The following RBFOX1 variants were observed in gnomAD, a reference collection of about 807,000 sequenced individuals.
RBFOX1 encodes RNA binding fox-1 homolog 1, also known as RNA binding protein fox-1 homolog 1.
RBFOX1 carries 8 observed loss-of-function variants against 57.7 expected under a neutral mutation model. The observed-to-expected ratio is 0.14, with a 90% CI of 0.08 to 0.25. The LOEUF (loss-of-function observed/expected upper bound fraction) is 0.25. Among genes scored for constraint, RBFOX1 ranks in the 10% least tolerant of loss-of-function variants. The pLI is 1.00. For synonymous variants in RBFOX1, 326 were observed against 222.4 expected (o/e 1.47, Z -4.15); for missense variants, 611 against 548.5 (o/e 1.11, Z -1.14).
intron 1 of RBFOX1, among the ~76,000 whole-genome samples, chr16:6,182,733 C>G (rs936709252): frequency 1.3e-5 from 2 of 152,290 alleles, no homozygotes; most frequent in South Asian, 2.1e-4. Flanking sequence ...TTTAGGAACG[C>G]TGTAGTTAAA....
chr16:7,420,485 C>T (rs1009700301), intron 4 of RBFOX1, among the ~76,000 whole-genome samples: 14 of 152,140 alleles, frequency 9.2e-5, no homozygotes, highest in African/African-American at 1.4e-4. Context: ...TTGTCTAAAT[C>T]GATACATCTC....
At chr16:6,947,143 C>G (rs927223734) in intron 3 of RBFOX1, among the ~76,000 whole-genome samples, 1 of 152,118 alleles carries the variant, frequency 6.6e-6, no homozygotes, top group Non-Finnish European at 1.5e-5. Flanking sequence ...TAACCTGGCC[C>G]ATGTTCAAGG....
intron 3 of RBFOX1, among the ~76,000 whole-genome samples, chr16:7,017,819 CTGTT>C (rs945698601): frequency 3.3e-5 from 5 of 152,112 alleles, no homozygotes; most frequent in Admixed American, 1.3e-4. Flanking sequence ...GCGTTTTCTT[CTGTT>C]TGTTTATTTA....
At chr16:7,129,139 C>A (rs1437383976) in intron 4 of RBFOX1, among the ~76,000 whole-genome samples, 1 of 152,002 alleles carries the variant, frequency 6.6e-6, no homozygotes, top group African/African-American at 2.4e-5. Context: ...TTAAACTTGC[C>A]CAAAGTTAGA....
intron 3 of RBFOX1, among the ~76,000 whole-genome samples, chr16:6,841,342 A>C (rs2093450781): frequency 6.6e-6 from 1 of 152,186 alleles, no homozygotes; most frequent in South Asian, 2.1e-4. Context: ...ACATGCATTG[A>C]AGAATGTTAG....
At position 6,396,964 on chromosome 16, in the gene RBFOX1, C is replaced by A. The variant is rs182416273; in HGVS notation, c.-64+79907C>A. 1.1e-3 allele frequency among the ~76,000 whole-genome samples: 162 copies of A among 152,070 alleles called. 1 individual carries two copies. The highest frequency in any genetic ancestry group is 1.9e-4 in the Non-Finnish European group (13 of 67,982). On this transcript the variant is annotated intron_variant, in intron 2 of 15. Coordinates refer to ENST00000550418, the MANE Select transcript of RBFOX1 (RefSeq NM_018723.4). Reference sequence around the variant, plus strand: ...GGGCTAAACAGGAGAATGGGGACAGCACAACAGATCAGTGAATTTAATATA... The same window carrying A: ...GGGCTAAACAGGAGAATGGGGACAGAACAACAGATCAGTGAATTTAATATA...
At chr16:6,881,030 C>A (rs542790970) in intron 3 of RBFOX1, among the ~76,000 whole-genome samples, 3 of 152,344 alleles carry the variant, frequency 2.0e-5, no homozygotes, top group African/African-American at 7.2e-5. Flanking sequence ...ATACCCTCCA[C>A]CTTCCCCTCC....
At chr16:6,449,872 A>G (rs1164548071) in intron 2 of RBFOX1, among the ~76,000 whole-genome samples, 1 of 152,200 alleles carries the variant, frequency 6.6e-6, no homozygotes, top group Non-Finnish European at 1.5e-5. Context: ...GAGAGGCAGT[A>G]TTCAGGAAGA....
intron 3 of RBFOX1, among the ~76,000 whole-genome samples, chr16:6,908,556 G>A (rs1482076202): frequency 6.6e-6 from 1 of 152,172 alleles, no homozygotes; most frequent in Non-Finnish European, 1.5e-5. Context: ...ACTTTTCAGA[G>A]TGCCAAGCAT....
intron 3 of RBFOX1, among the ~76,000 whole-genome samples, chr16:5,860,099 T>G (rs978086653): frequency 5.3e-5 from 8 of 152,152 alleles, no homozygotes; most frequent in African/African-American, 1.7e-4. Flanking sequence ...TTCTTTTTTT[T>G]TGTGATGGAG....
chr16:6,003,554 C>T (rs1055524097), intron 4 of RBFOX1, among the ~76,000 whole-genome samples: 1 of 151,988 alleles, frequency 6.6e-6, no homozygotes, highest in African/African-American at 2.4e-5. Context: ...TTGCTCCACC[C>T]CTGCGGTACC....
intron 1 of RBFOX1, among the ~76,000 whole-genome samples, chr16:6,136,216 T>C (rs1307487076): frequency 6.6e-6 from 1 of 152,190 alleles, no homozygotes; most frequent in East Asian, 1.9e-4. Context: ...AGGCGATGTG[T>C]ACTTGCTTCC....
chr16:5,857,495 A>C (rs2151880037), intron 3 of RBFOX1, among the ~76,000 whole-genome samples: 1 of 152,300 alleles, frequency 6.6e-6, no homozygotes, highest in South Asian at 2.1e-4. Context: ...GTGTCTGTGA[A>C]GTATAATAAA....
chr16:6,767,988 A>AGAAGAAGAAG (rs2077648513), intron 3 of RBFOX1, among the ~76,000 whole-genome samples: 1 of 150,400 alleles, frequency 6.6e-6, no homozygotes, highest in African/African-American at 2.4e-5. Flanking sequence ...AAGAAGAAGA[A>AGAAGAAGAAG]ATTATGGAGA....
chr16:5,535,893 C>G (rs870289), intron 2 of RBFOX1, among the ~76,000 whole-genome samples: 60,428 of 151,690 alleles, frequency 0.4, 12,979 homozygotes, highest in East Asian at 0.85. Flanking sequence ...GAGGGGCGTA[C>G]TGTAAGAGTC....
chr16:6,049,580 A>C (rs962965837), intron 1 of RBFOX1, among the ~76,000 whole-genome samples: 1 of 151,224 alleles, frequency 6.6e-6, no homozygotes, highest in African/African-American at 2.5e-5. Context: ...TTTTTTCCTA[A>C]CACCTGTAAT....
chr16:7,555,736 C>G (rs766909329), intron 5 of RBFOX1, among the ~76,000 whole-genome samples: 39 of 152,260 alleles, frequency 2.6e-4, no homozygotes, highest in South Asian at 1.0e-3. Context: ...TGCCTGAGCT[C>G]TCCCTGTGGC....
intron 3 of RBFOX1, among the ~76,000 whole-genome samples, chr16:6,988,838 C>G (rs1490576783): frequency 1.3e-5 from 2 of 150,596 alleles, no homozygotes; most frequent in African/African-American, 2.5e-5. Flanking sequence ...ATGGCATAAT[C>G]TCGGCTCACT....
At chr16:7,485,645 G>A (rs972500627) in intron 4 of RBFOX1, among the ~76,000 whole-genome samples, 2 of 152,126 alleles carry the variant, frequency 1.3e-5, no homozygotes, top group Non-Finnish European at 2.9e-5. Flanking sequence ...ATAGAAGATT[G>A]TTCTATCTAA....
Sources: gnomAD v4.1 joint callset for allele counts (sites outside exome capture counted in the v4.1 genomes callset) on GRCh38, gnomAD v4.1.1 for gene constraint, MANE v1.5 for transcripts, NCBI Gene and HGNC (gene_info 2026-07-23, HGNC 2026-07-21) for gene names.